Variants in PRKG1 observed in about 807,000 individuals in gnomAD.
The protein encoded by PRKG1 is protein kinase cGMP-dependent 1, also known as cGMP-dependent protein kinase 1.
In PRKG1, 35 loss-of-function variants were observed where a neutral mutation model predicts 88.1. The ratio of observed to expected loss-of-function variants is 0.40; its 90% CI spans 0.30 to 0.53. PRKG1 has a LOEUF of 0.53. Among genes scored for constraint, PRKG1 ranks in the 20% least tolerant of loss-of-function variants. The pLI is 0.59. For synonymous variants in PRKG1, 303 were observed against 292.5 expected (o/e 1.04, Z -0.37); for missense variants, 540 against 839.8 (o/e 0.64, Z 4.41).
chr10:51,400,250 C>A (rs187358195), intron 2 of PRKG1, among the ~76,000 whole-genome samples: 47 of 151,982 alleles, frequency 3.1e-4, no homozygotes, highest in African/African-American at 1.1e-3. Context: ...AATAAATAAA[C>A]AAGAATATAA....
At chr10:51,339,105 C>G (rs1841945582) in intron 2 of PRKG1, among the ~76,000 whole-genome samples, 1 of 152,112 alleles carries the variant, frequency 6.6e-6, no homozygotes, top group Non-Finnish European at 1.5e-5. Flanking sequence ...TAATTTTAAG[C>G]TCTATTTTCT....
At chr10:51,975,195 G>T (rs1032516530) in intron 5 of PRKG1, among the ~76,000 whole-genome samples, 8 of 151,990 alleles carry the variant, frequency 5.3e-5, no homozygotes, top group Admixed American at 5.3e-4. Context: ...AGTTAAATAG[G>T]TTCAGAGATA....
chr10:52,076,443 G>A (rs888325652), intron 7 of PRKG1, among the ~76,000 whole-genome samples: 1 of 152,174 alleles, frequency 6.6e-6, no homozygotes, highest in Non-Finnish European at 1.5e-5. Context: ...TGTGATCCCA[G>A]CTGCTCAGGA....
intron 7 of PRKG1, among the ~76,000 whole-genome samples, chr10:52,116,933 A>G (rs973429321): frequency 2.0e-5 from 3 of 151,986 alleles, no homozygotes; most frequent in African/African-American, 7.3e-5. Context: ...TTTAAGCAAT[A>G]TAGAGTAACT....
chr10:51,462,011 T>C (rs1181608728), intron 2 of PRKG1, among the ~76,000 whole-genome samples: 1 of 152,242 alleles, frequency 6.6e-6, no homozygotes, highest in African/African-American at 2.4e-5. Context: ...AATACATCCT[T>C]GCTGGTGACA....
At chr10:52,119,037 T>C (rs1847754629) in intron 7 of PRKG1, among the ~76,000 whole-genome samples, 1 of 152,174 alleles carries the variant, frequency 6.6e-6, no homozygotes, top group Non-Finnish European at 1.5e-5. Flanking sequence ...GTGATCGTGC[T>C]TGATTTCTAT....
chr10:51,899,717 A>G (rs1841939693), intron 4 of PRKG1, among the ~76,000 whole-genome samples: 2 of 144,218 alleles, frequency 1.4e-5, no homozygotes, highest in Admixed American at 7.3e-5. Context: ...ATATCTAACT[A>G]TCTAACTTGA....
chr10:51,039,887 A>G (rs546836570), intron 1 of PRKG1, among the ~76,000 whole-genome samples: 3 of 152,134 alleles, frequency 2.0e-5, no homozygotes, highest in African/African-American at 7.2e-5. Flanking sequence ...TTCACTGTAG[A>G]TGTATGGATT....
chr10:52,013,316 G>A (rs1185744435), intron 5 of PRKG1, among the ~76,000 whole-genome samples: 3 of 152,154 alleles, frequency 2.0e-5, no homozygotes, highest in Non-Finnish European at 4.4e-5. Context: ...CTACTCGGGA[G>A]GCTGCGGCAG....
At chr10:51,727,022 G>A (rs1191383827) in intron 3 of PRKG1, among the ~76,000 whole-genome samples, 2 of 151,788 alleles carry the variant, frequency 1.3e-5, no homozygotes, top group Non-Finnish European at 2.9e-5. Context: ...CTCATGATCC[G>A]CCTGCCTCGG....
intron 2 of PRKG1, among the ~76,000 whole-genome samples, chr10:51,225,160 C>T (rs1838657279): frequency 2.0e-5 from 3 of 152,144 alleles, no homozygotes; most frequent in South Asian, 2.1e-4. Flanking sequence ...TGTCTGGAGG[C>T]GCTGGCGTAT....
chr10:52,041,915 A>T (rs941979703), intron 5 of PRKG1, among the ~76,000 whole-genome samples: 2 of 152,232 alleles, frequency 1.3e-5, no homozygotes, highest in Middle Eastern at 3.4e-3. Flanking sequence ...ACAGTGAACT[A>T]TCTAAAAAAG....
chr10:52,149,180 T>C (rs1463062333), intron 8 of PRKG1, among the ~76,000 whole-genome samples: 4 of 151,826 alleles, frequency 2.6e-5, no homozygotes, highest in African/African-American at 9.7e-5. Flanking sequence ...AAAAGTACGA[T>C]GATAATGTCA....
chr10:51,427,543 T>A (rs1361659050), intron 2 of PRKG1, among the ~76,000 whole-genome samples: 1 of 152,182 alleles, frequency 6.6e-6, no homozygotes, highest in African/African-American at 2.4e-5. Context: ...TTGTACCATA[T>A]AACCCTGTGG....
chr10:51,257,150 C>T (rs908295865), intron 2 of PRKG1, among the ~76,000 whole-genome samples: 1 of 146,600 alleles, frequency 6.8e-6, no homozygotes, highest in African/African-American at 2.5e-5. Context: ...ACTGAAATAG[C>T]AAAGTTCAGA....
intron 3 of PRKG1, among the ~76,000 whole-genome samples, chr10:51,596,045 G>A (rs763193661): frequency 1.3e-5 from 2 of 152,040 alleles, no homozygotes; most frequent in East Asian, 1.9e-4. Context: ...TGGTCAGGCT[G>A]GTCCCAAACT....
chr10:52,016,544 A>C (rs1845044889), intron 5 of PRKG1, among the ~76,000 whole-genome samples: 2 of 152,232 alleles, frequency 1.3e-5, no homozygotes. Context: ...TCTTTAATTT[A>C]GAAAAGTGAA....
chr10:51,804,522 T>C, intron 3 of PRKG1, 63 bp from the exon 4 acceptor site: 6 of 1,121,762 alleles, frequency 5.3e-6, no homozygotes, highest in Non-Finnish European at 8.1e-6. Flanking sequence ...TGCAGGATGT[T>C]GTTCACAGTT....
At chr10:51,705,206 T>G (rs756470862) in intron 3 of PRKG1, among the ~76,000 whole-genome samples, 9 of 152,182 alleles carry the variant, frequency 5.9e-5, no homozygotes, top group Admixed American at 2.6e-4. Context: ...TTTCTGTTCT[T>G]CAATGCTCAC....
Sources: allele counts gnomAD v4.1 joint callset (sites outside exome capture counted in the v4.1 genomes callset), GRCh38; gene constraint gnomAD v4.1.1; transcripts MANE v1.5; gene names NCBI Gene and HGNC (gene_info 2026-07-23, HGNC 2026-07-21).